Variants in RALGPS1 observed in about 807,000 individuals in gnomAD.
RALGPS1 encodes the protein Ral GEF with PH domain and SH3 binding motif 1.
In RALGPS1, 19 loss-of-function variants were observed where a neutral mutation model predicts 78.8. The observed-to-expected ratio is 0.24, with a 90% CI of 0.17 to 0.35. The LOEUF (loss-of-function observed/expected upper bound fraction) is 0.35. Ranked by LOEUF, RALGPS1 falls within the 10% of genes least tolerant of loss-of-function variation. The probability of loss-of-function intolerance (pLI) is 1.00; values close to 1 mark genes in which losing one functional copy is unlikely to be tolerated. For synonymous variants in RALGPS1, 228 were observed against 256.3 expected (o/e 0.89, Z 1.06); for missense variants, 454 against 688.3 (o/e 0.66, Z 3.81).
At chr9:127,169,258 A>T (rs1030161074) in intron 10 of RALGPS1, among the ~76,000 whole-genome samples, 10 of 152,146 alleles carry the variant, frequency 6.6e-5, no homozygotes, top group Admixed American at 3.3e-4. Flanking sequence ...ACAGTTCCTT[A>T]TAACTCTCAG....
At chr9:127,056,050 C>T (rs767791310) in intron 7 of RALGPS1, among the ~76,000 whole-genome samples, 7 of 152,180 alleles carry the variant, frequency 4.6e-5, no homozygotes, top group Non-Finnish European at 1.0e-4. Context: ...GCCACTGATT[C>T]CTTGGATTGA....
intron 4 of RALGPS1, chr9:126,990,012 C>T (rs2042142730): frequency 5.8e-6 from 9 of 1,549,616 alleles, no homozygotes; most frequent in Non-Finnish European, 7.8e-6. Flanking sequence ...GACCCTCTGG[C>T]CTTTTGTCTG....
Position 127,069,586 on chromosome 9 carries a change from G to C in RALGPS1, c.610+230G>C, listed in dbSNP as rs1302365017. On this transcript the variant is annotated intron_variant, in intron 8 of 18. Coordinates refer to ENST00000259351, the MANE Select transcript of RALGPS1 (RefSeq NM_014636.3). ...CTGCTTTTTATATAAAAGACCTGTG[G>C]GCCCCAGGGTTCCCCAGGCTGCAGC... 8.9e-6 allele frequency: 4 copies of C among 447,828 alleles called. No homozygotes were observed. In the East Asian group the frequency reaches 1.7e-4, roughly 19 times the overall value. 27.7% of individuals were successfully genotyped at this position (447,828 alleles called of 1,614,324 possible).
intron 1 of RALGPS1, among the ~76,000 whole-genome samples, chr9:126,961,838 G>T (rs919000899): frequency 2.0e-5 from 3 of 152,080 alleles, no homozygotes; most frequent in African/African-American, 7.2e-5. Flanking sequence ...TGCCTGCAAG[G>T]GCCAGGCACG....
chr9:127,217,125 C>T, intron 18 of RALGPS1: 8 of 1,335,470 alleles, frequency 6.0e-6, no homozygotes, highest in Non-Finnish European at 6.7e-6. Flanking sequence ...AGTGCCTGGG[C>T]AGGCTGATCC....
chr9:127,161,503 G>T (rs2059016518), intron 8 of RALGPS1, among the ~76,000 whole-genome samples: 2 of 152,222 alleles, frequency 1.3e-5, no homozygotes, highest in African/African-American at 4.8e-5. Flanking sequence ...TACCACAGCT[G>T]CTTGTCATGT....
chr9:127,184,083 T>G, intron 11 of RALGPS1: 1 of 1,534,652 alleles, frequency 6.5e-7, no homozygotes, highest in Non-Finnish European at 8.8e-7. Flanking sequence ...CCCAGCACTT[T>G]GGGAAGCCGA....
At chr9:126,978,942 C>T (rs985163878) in intron 4 of RALGPS1, among the ~76,000 whole-genome samples, 3 of 152,174 alleles carry the variant, frequency 2.0e-5, no homozygotes, top group Admixed American at 2.0e-4. Flanking sequence ...TGGGCAAACA[C>T]TGAGGGACCC....
chr9:127,174,917 C>T (rs2059769163), intron 11 of RALGPS1, 135 bp downstream of exon 11: 1 of 720,088 alleles, frequency 1.4e-6, no homozygotes, highest in Admixed American at 2.2e-5. Context: ...TGTTCACAGC[C>T]CTCCTGCACC....
At chr9:127,177,810 AG>A (rs1308995371) in intron 11 of RALGPS1, 2 of 1,541,068 alleles carry the variant, frequency 1.3e-6, no homozygotes, top group Non-Finnish European at 1.8e-6. Flanking sequence ...CTGGGCAGCT[AG>A]GAGCCAGCCC....
At chr9:126,941,131 C>G (rs1435737793) in intron 1 of RALGPS1, among the ~76,000 whole-genome samples, 1 of 12,762 alleles carries the variant, frequency 7.8e-5, no homozygotes, top group Admixed American at 4.9e-4. Context: ...CTCATATACG[C>G]CCCCCCCCTT....
chr9:127,062,635 G>T (rs890520502), intron 7 of RALGPS1, among the ~76,000 whole-genome samples: 6 of 152,084 alleles, frequency 3.9e-5, no homozygotes, highest in Non-Finnish European at 8.8e-5. Flanking sequence ...ATTTTATGAG[G>T]CATAATTTGC....
intron 1 of RALGPS1, among the ~76,000 whole-genome samples, chr9:126,923,673 TG>T (rs2034986429): frequency 6.6e-6 from 1 of 152,186 alleles, no homozygotes; most frequent in Non-Finnish European, 1.5e-5. Flanking sequence ...GTGTTCTTGT[TG>T]AGAAGACACA....
chr9:127,108,236 T>G (rs1273966162), intron 8 of RALGPS1: 4 of 1,614,016 alleles, frequency 2.5e-6, no homozygotes, highest in Non-Finnish European at 3.4e-6. Context: ...ATGTCGGCTG[T>G]CTGGTTCAGG....
At chr9:126,963,223 C>A (rs1370513300) in intron 2 of RALGPS1, among the ~76,000 whole-genome samples, 1 of 152,154 alleles carries the variant, frequency 6.6e-6, no homozygotes, top group Admixed American at 6.5e-5. Context: ...AATGGTGTGT[C>A]ACTGGAAAGT....
intron 11 of RALGPS1, among the ~76,000 whole-genome samples, chr9:127,175,569 A>G (rs989817747): frequency 6.6e-5 from 10 of 151,798 alleles, no homozygotes; most frequent in African/African-American, 2.4e-4. Context: ...TGGGGGGTCA[A>G]GGGGAACCCA....
At chr9:127,011,457 C>T (rs1589004823) in intron 4 of RALGPS1, among the ~76,000 whole-genome samples, 1 of 152,118 alleles carries the variant, frequency 6.6e-6, no homozygotes, top group African/African-American at 2.4e-5. Flanking sequence ...GGATTACAGG[C>T]GTGAGCCACT....
At chr9:127,172,204 T>C (rs922759767) in intron 10 of RALGPS1, among the ~76,000 whole-genome samples, 1 of 152,220 alleles carries the variant, frequency 6.6e-6, no homozygotes, top group Non-Finnish European at 1.5e-5. Flanking sequence ...GAGAAATGTC[T>C]GTGTTGGACT....
At chr9:126,985,231 T>G (rs777147041) in intron 4 of RALGPS1, among the ~76,000 whole-genome samples, 15 of 152,176 alleles carry the variant, frequency 9.9e-5, no homozygotes, top group Non-Finnish European at 2.2e-4. Flanking sequence ...AACTGTTGCT[T>G]GTTTATCTTC....
Sources: allele counts gnomAD v4.1 joint callset (sites outside exome capture counted in the v4.1 genomes callset), GRCh38; gene constraint gnomAD v4.1.1; transcripts MANE v1.5; gene names NCBI Gene and HGNC (gene_info 2026-07-23, HGNC 2026-07-21).